Variants in NEK8 observed in about 807,000 individuals in gnomAD.
NEK8 encodes the protein serine/threonine-protein kinase Nek8.
Under a neutral mutation model 77.2 loss-of-function variants are expected in NEK8, and 51 were observed. That is an observed-to-expected ratio of 0.66 (90% CI 0.53 to 0.83). The LOEUF (loss-of-function observed/expected upper bound fraction) is 0.83. NEK8 is among the 40% of genes least tolerant of loss of function. NEK8 has a pLI of 0.00. For synonymous variants in NEK8, 365 were observed against 363.2 expected (o/e 1.00, Z -0.06); for missense variants, 787 against 909.2 (o/e 0.87, Z 1.73).
At chr17:28,731,956 A>G (rs2034312302) in intron 1 of NEK8, among the ~76,000 whole-genome samples, 5 of 79,048 alleles carry the variant, frequency 6.3e-5, no homozygotes, top group South Asian at 4.7e-4. Flanking sequence ...TTTGAGACGG[A>G]GTCTTGCTCT....
rs1345295381 is a variant in NEK8, at chr17:28,737,019, A to T, written c.619-287A>T. On this transcript the variant is annotated intron_variant, in intron 4 of 14. Transcript: ENST00000268766. The surrounding 1 kb of genome is among the most constrained non-coding windows in gnomAD (Gnocchi z 4.8). Reference sequence around the variant, plus strand: ...GCCAGTTTTCCCAGCACCATTTATTAAATAGGGAATCCTTTCCCCATTTCT... The same window carrying T: ...GCCAGTTTTCCCAGCACCATTTATTTAATAGGGAATCCTTTCCCCATTTCT... Among the ~76,000 whole-genome samples, 1 of 152,226 alleles carries T rather than the reference A, an allele frequency of 6.6e-6. No individual in the cohort carries two copies. The highest frequency in any genetic ancestry group is 1.5e-5 in the Non-Finnish European group (1 of 68,044).
intron 1 of NEK8, among the ~76,000 whole-genome samples, chr17:28,732,586 C>G (rs1417478014): frequency 8.6e-6 from 1 of 116,848 alleles, no homozygotes; most frequent in South Asian, 3.0e-4. Flanking sequence ...GAGTCTCACT[C>G]TGTCGCCCAG....
In NEK8 at chr17:28,733,969, C is replaced by T. The variant is rs780350636; in HGVS notation, c.48-14C>T. ...GCTTAGCTGGTAACCTGTCCCTGTC[C>T]TCCGTATCCCTAGGATTGTGCACCT... On this transcript the variant is annotated splice_polypyrimidine_tract_variant and intron_variant, in intron 1 of 14. Transcript: ENST00000268766. 5.6e-6 allele frequency: 9 copies of T among 1,613,010 alleles called. No individual in the cohort carries two copies. The highest frequency in any genetic ancestry group is 5.5e-5 in the South Asian group (5 of 91,052).
intron 4 of NEK8, among the ~76,000 whole-genome samples, chr17:28,736,601 GC>G (rs2034367875): frequency 6.6e-6 from 1 of 152,114 alleles, no homozygotes; most frequent in African/African-American, 2.4e-5. Flanking sequence ...CATATCCTTC[GC>G]CCACTTGTTG....
At chr17:28,734,479 T>A (rs2034341531) in intron 2 of NEK8, 1 of 557,404 alleles carries the variant, frequency 1.8e-6, no homozygotes, top group Non-Finnish European at 3.2e-6. Flanking sequence ...ATCGAGACCA[T>A]CCTGTTTAAC....
rs772804849 is a variant in NEK8 at position 28,741,423 on chromosome 17, G to A, written c.1902G>A (p.Val634=). The A allele has an allele frequency of 1.4e-5, 23 of 1,613,988 alleles. No homozygotes were observed. The East Asian group carries it at 4.7e-4, about 33-fold the overall frequency. The change falls in exon 14 of 15, where the codon GTG becomes GTA. Residue 634 remains valine (V), a synonymous_variant. Coordinates refer to ENST00000268766, the MANE Select transcript of NEK8 (RefSeq NM_178170.3). This position sits in a 1 kb window ranked among gnomAD's most constrained non-coding sequence, Gnocchi z 4.5. ...FTVAIGAESE[V]YSWGKGARGR... is the part of the protein sequence containing the mutation. ...GATTCTTCCTGGCAGAGAGCGAAGTGTACTCTTGGGGCAAAGGGGCGCGAG... is the reference window on the plus strand; with the variant it reads ...GATTCTTCCTGGCAGAGAGCGAAGTATACTCTTGGGGCAAAGGGGCGCGAG...
chr17:28,733,425 A>G (rs993394358), intron 1 of NEK8, among the ~76,000 whole-genome samples: 5 of 152,200 alleles, frequency 3.3e-5, no homozygotes, highest in Non-Finnish European at 7.3e-5. Flanking sequence ...CCACTCATTC[A>G]ACAAATACTT....
chr17:28,733,919 C>T, intron 1 of NEK8, 64 bp from the exon 2 acceptor site: 7 of 1,425,244 alleles, frequency 4.9e-6, no homozygotes, highest in East Asian at 2.3e-5. Context: ...TAGGCTGCAC[C>T]GCCCTGCCTG....
intron 1 of NEK8, among the ~76,000 whole-genome samples, chr17:28,733,320 T>A (rs2034328345): frequency 6.6e-6 from 1 of 152,230 alleles, no homozygotes; most frequent in Non-Finnish European, 1.5e-5. Context: ...AAATTTAGGA[T>A]GACTGTGAGC....
chr17:28,736,572 C>G (rs1483289807), intron 4 of NEK8, among the ~76,000 whole-genome samples: 1 of 152,214 alleles, frequency 6.6e-6, no homozygotes, highest in Non-Finnish European at 1.5e-5. Flanking sequence ...TAAATGTCTT[C>G]TTTTGAGAAG....
intron 8 of NEK8, among the ~76,000 whole-genome samples, 200 bp downstream of exon 8, chr17:28,738,445 A>T (rs528601307): frequency 6.6e-6 from 1 of 152,270 alleles, no homozygotes; most frequent in African/African-American, 2.4e-5. Flanking sequence ...CAGTTATTAT[A>T]TTATCCTCAT....
chr17:28,738,658 C>T lies in NEK8; in HGVS notation c.1223-13C>T. ...TTCTTTCCCTTCTCCTTCCTCACTG[C>T]CCTTCTCCCCAGACAGAGGCATCAT... On this transcript the variant is annotated splice_polypyrimidine_tract_variant and intron_variant, in intron 8 of 14. Coordinates refer to ENST00000268766, the MANE Select transcript of NEK8 (RefSeq NM_178170.3). 6.2e-7 allele frequency: 1 copy of T among 1,613,008 alleles called. No individual in the cohort carries two copies. The highest frequency in any genetic ancestry group is 8.5e-7 in the Non-Finnish European group (1 of 1,178,910).
Position 28,737,687 on chromosome 17 carries a change from C to T in NEK8, c.840C>T (p.Ser280=), listed in dbSNP as rs369911992. Residue 280 remains serine (S), a synonymous_variant, in exon 6 of 15, where the codon TCC becomes TCT. Coordinates refer to ENST00000268766, the MANE Select transcript of NEK8 (RefSeq NM_178170.3). The surrounding 1 kb of genome is among the most constrained non-coding windows in gnomAD (Gnocchi z 4.8). ...GSVRMRRAEK[S]VAPSNTGSRT... is the part of the protein sequence containing the mutation. Reference sequence around the variant, plus strand: ...ATCTGTCCTGCAGGGCAGAGAAGTCCGTGGCCCCCAGCAACACAGGGAGCA... The same window carrying T: ...ATCTGTCCTGCAGGGCAGAGAAGTCTGTGGCCCCCAGCAACACAGGGAGCA... 31 of 1,614,030 alleles carry T rather than the reference C, an allele frequency of 1.9e-5. No homozygotes were observed. Among genetic ancestry groups the T allele is most frequent in the African/African-American group, 1.3e-4 (10 of 74,906 alleles).
At position 28,738,149 on chromosome 17, in the gene NEK8, C is replaced by A; in HGVS notation, c.1126C>A (p.Pro376Thr). ...TCTCCTTCCTGGGGCAGTGGAGCAGCCACAGCCCCAGTTCATCTCGCGTTT... is the reference window on the plus strand; with the variant it reads ...TCTCCTTCCTGGGGCAGTGGAGCAGACACAGCCCCAGTTCATCTCGCGTTT... The part of the protein sequence containing the change: ...GSLLPGAVEQ[P>T]QPQFISRFLE... The change falls in exon 8 of 15, where the codon CCA becomes ACA. Residue 376 changes from proline (P) to threonine (T), a missense_variant. Around this residue, in one of 2 missense-constraint regions of NEK8, gnomAD observed 516 missense variants for 544.0 expected, o/e 0.95. Coordinates refer to ENST00000268766, the MANE Select transcript of NEK8 (RefSeq NM_178170.3). 6.2e-7 allele frequency: 1 copy of A among 1,614,108 alleles called. No homozygotes were observed.
At chr17:28,734,519 CAA>C (rs765512767) in intron 2 of NEK8, 3,788 of 473,014 alleles carry the variant, frequency 8.0e-3, no homozygotes, top group Middle Eastern at 0.015. Context: ...ACTAAAAATA[CAA>C]AAAAAAAAAA....
In NEK8 at chr17:28,741,510, A is replaced by C. The variant is rs2034422865; in HGVS notation, c.1989A>C (p.Thr663=). 39 of 1,613,966 alleles carry C rather than the reference A, an allele frequency of 2.4e-5. No homozygotes were observed. Among genetic ancestry groups the C allele is most frequent in the Non-Finnish European group, 3.3e-5 (39 of 1,180,008 alleles). Residue 663 remains threonine (T), a synonymous_variant, in exon 14 of 15, where the codon ACA becomes ACC. Coordinates refer to ENST00000268766, the MANE Select transcript of NEK8 (RefSeq NM_178170.3). The surrounding 1 kb of genome is among the most constrained non-coding windows in gnomAD (Gnocchi z 4.5). ...CTCGGCCAGTGCAGTTGGATGAGAC[A>C]CACCCTTACACGGTGACTTCCGTGT... ...GLPRPVQLDE[T]HPYTVTSVSC...
chr17:28,733,468 TATGC>T (rs1264988238), intron 1 of NEK8, among the ~76,000 whole-genome samples: 2 of 152,202 alleles, frequency 1.3e-5, no homozygotes, highest in Non-Finnish European at 2.9e-5. Flanking sequence ...AATATTGGGC[TATGC>T]ACTGGGGTTA....
chr17:28,731,010 T>C lies in NEK8; in HGVS notation c.47+2150T>C, dbSNP rs1253853122. The stretch of plus-strand genomic sequence containing the variant: ...GCTCAGGCCTGTAATTCTAGCACTT[T>C]GGGAGGCCGAGGTGGTTGGATCACC... On this transcript the variant is annotated intron_variant, in intron 1 of 14. Transcript: ENST00000268766. 4.6e-5 allele frequency among the ~76,000 whole-genome samples: 7 copies of C among 152,174 alleles called. No homozygotes were observed. In the South Asian group the frequency reaches 1.0e-3, roughly 23 times the overall value.
chr17:28,737,354 A>C lies in NEK8; in HGVS notation c.667A>C (p.Ile223Leu). ...LKIMSGTFAP[I>L]SDRYSPELRQ... The stretch of plus-strand genomic sequence containing the variant: ...GATCATGAGTGGCACCTTTGCACCT[A>C]TCTCTGACCGGTACAGCCCTGAGCT... Residue 223 changes from isoleucine (I) to leucine (L), a missense_variant, in exon 5 of 15, where the codon ATC becomes CTC. Transcript: ENST00000268766. This position sits in a 1 kb window ranked among gnomAD's most constrained non-coding sequence, Gnocchi z 4.8. 1 of 1,613,910 alleles carries C rather than the reference A, an allele frequency of 6.2e-7. No homozygotes were observed. The highest frequency in any genetic ancestry group is 1.3e-5 in the African/African-American group (1 of 75,052).
Sources: allele counts gnomAD v4.1 joint callset (sites outside exome capture counted in the v4.1 genomes callset), GRCh38; gene constraint gnomAD v4.1.1; regional missense constraint gnomAD v4.1.1; non-coding constraint Gnocchi (gnomAD v3.1); transcripts MANE v1.5; gene names NCBI Gene and HGNC (gene_info 2026-07-23, HGNC 2026-07-21).